MLLT10: variants seen among roughly 807,000 people sequenced by gnomAD.
MLLT10 encodes the protein protein AF-10.
A neutral mutation model predicts 129.1 loss-of-function variants in MLLT10; 30 were observed. The observed-to-expected ratio is 0.23, with a 90% CI of 0.17 to 0.32. MLLT10 has a LOEUF of 0.32. Among genes scored for constraint, MLLT10 ranks in the 10% least tolerant of loss-of-function variants. MLLT10 has a pLI of 1.00. For missense variants in MLLT10, 1,119 were observed against 1,268.3 expected, an observed-to-expected ratio of 0.88 and a Z score of 1.79; for synonymous variants, 490 against 446.4, an observed-to-expected ratio of 1.10 and a Z score of -1.23.
At chr10:21,543,554 C>T (rs2035574749) in intron 3 of MLLT10, among the ~76,000 whole-genome samples, 2 of 152,162 alleles carry the variant, frequency 1.3e-5, no homozygotes, top group African/African-American at 4.8e-5. Flanking sequence ...TCTTGGCTCA[C>T]TGCAACCTCC....
chr10:21,573,580 G>A (rs1589018838), intron 3 of MLLT10, among the ~76,000 whole-genome samples: 1 of 151,634 alleles, frequency 6.6e-6, no homozygotes, highest in African/African-American at 2.4e-5. Context: ...GCCATTTGGT[G>A]TCATGGTGTA....
intron 9 of MLLT10, among the ~76,000 whole-genome samples, chr10:21,663,894 C>A (rs1014375908): frequency 6.6e-6 from 1 of 152,122 alleles, no homozygotes; most frequent in Non-Finnish European, 1.5e-5. Context: ...CCTCTCAATT[C>A]ACTGATATAA....
At chr10:21,571,458 C>T (rs769782585) in intron 3 of MLLT10, among the ~76,000 whole-genome samples, 8 of 152,228 alleles carry the variant, frequency 5.3e-5, no homozygotes, top group Non-Finnish European at 1.2e-4. Flanking sequence ...CCCTGTTCCA[C>T]GACCTGGAAA....
intron 21 of MLLT10, among the ~76,000 whole-genome samples, chr10:21,739,622 A>T (rs1042741144): frequency 6.6e-6 from 1 of 152,206 alleles, no homozygotes; most frequent in African/African-American, 2.4e-5. Flanking sequence ...TGCATGGAGT[A>T]TATGCTTGCT....
intron 9 of MLLT10, chr10:21,669,143 C>A: frequency 8.5e-7 from 1 of 1,172,758 alleles, no homozygotes. Context: ...AACGTTTGTT[C>A]TTGTTTGTGG....
intron 9 of MLLT10, among the ~76,000 whole-genome samples, chr10:21,666,144 GTTATA>G (rs1468425485): frequency 4.0e-5 from 6 of 151,780 alleles, no homozygotes; most frequent in South Asian, 2.1e-4. Flanking sequence ...ATAATTTTTT[GTTATA>G]TTGTATTGTT....
chr10:21,614,407 C>T (rs1159646996), intron 6 of MLLT10, among the ~76,000 whole-genome samples: 1 of 152,118 alleles, frequency 6.6e-6, no homozygotes, highest in African/African-American at 2.4e-5. Flanking sequence ...ATGTAATCTG[C>T]ATCCATGGGC....
intron 4 of MLLT10, among the ~76,000 whole-genome samples, chr10:21,593,323 T>C (rs1200710296): frequency 6.6e-6 from 1 of 152,070 alleles, no homozygotes; most frequent in Non-Finnish European, 1.5e-5. Context: ...GAACTCCTGA[T>C]CTCAAGTGAT....
At chr10:21,689,565 G>GTGTATATA (rs1254669195) in intron 13 of MLLT10, among the ~76,000 whole-genome samples, 1 of 113,470 alleles carries the variant, frequency 8.8e-6, no homozygotes, top group South Asian at 2.8e-4. Context: ...ATATATATAT[G>GTGTATATA]TATATATATA....
chr10:21,589,314 C>G (rs1372041502), intron 4 of MLLT10, among the ~76,000 whole-genome samples: 1 of 148,036 alleles, frequency 6.8e-6, no homozygotes, highest in East Asian at 2.0e-4. Flanking sequence ...AAGGCCTTCA[C>G]TATTCCAAAG....
At chr10:21,626,333 G>A in intron 8 of MLLT10, 2 of 844,112 alleles carry the variant, frequency 2.4e-6, no homozygotes, top group Non-Finnish European at 1.9e-6. Context: ...ACCAGTGCAA[G>A]GCATTTTGAA....
Position 21,601,485 on chromosome 10 carries a change from C to A in MLLT10, c.405+6045C>A, listed in dbSNP as rs184694970. On this transcript the variant is annotated intron_variant, in intron 5 of 22. Transcript: ENST00000307729. Reference sequence around the variant, plus strand: ...TGTTCATGAGATTAAAATCTGTAATCTCACTCACCAACATTGCCTATCTCA... The same window carrying A: ...TGTTCATGAGATTAAAATCTGTAATATCACTCACCAACATTGCCTATCTCA... Among the ~76,000 whole-genome samples the A allele has an allele frequency of 1.4e-3, 211 of 152,316 alleles. 1 individual carries two copies. Among genetic ancestry groups the A allele is most frequent in the African/African-American group, 4.7e-3 (197 of 41,568 alleles).
At position 21,538,120 on chromosome 10, in the gene MLLT10, T is replaced by C. The variant is rs7085995; in HGVS notation, c.161-713T>C. On this transcript the variant is annotated intron_variant, in intron 2 of 22. Coordinates refer to ENST00000307729, the MANE Select transcript of MLLT10 (RefSeq NM_001195626.3). ...GGCTCAAGTCAGCCTCCTGAGTAGC[T>C]GGGACTGTAGGCACATGCCACCGTG... is the stretch of plus-strand genomic sequence containing the variant. Among the ~76,000 whole-genome samples, 363 of 151,746 alleles carry C rather than the reference T, an allele frequency of 2.4e-3. 1 individual carries two copies. The highest frequency in any genetic ancestry group is 8.3e-3 in the African/African-American group (343 of 41,362).
chr10:21,569,638 C>G (rs2039985446), intron 3 of MLLT10, among the ~76,000 whole-genome samples: 1 of 152,044 alleles, frequency 6.6e-6, no homozygotes, highest in African/African-American at 2.4e-5. Context: ...CGAGGCTGGA[C>G]TCGAATTCCT....
intron 8 of MLLT10, among the ~76,000 whole-genome samples, chr10:21,619,511 A>G (rs1734636840): frequency 6.6e-6 from 1 of 152,220 alleles, no homozygotes; most frequent in South Asian, 2.1e-4. Context: ...CTGGGAATGA[A>G]TGAAATTTTG....
chr10:21,735,632 G>A (rs890623832), intron 21 of MLLT10, among the ~76,000 whole-genome samples: 9 of 152,190 alleles, frequency 5.9e-5, no homozygotes, highest in African/African-American at 1.9e-4. Context: ...GGATGGCCCC[G>A]CCTCTGCAAG....
rs1456714552 is a variant in MLLT10 at position 21,727,698 on chromosome 10, A to T, written c.1991-158A>T. ...ACGCCTTACATGCCACAGTTCAGCA[A>T]TTCTGAACTAGCAACATGCTAGATC... On this transcript the variant is annotated intron_variant, in intron 15 of 22. Transcript: ENST00000307729. Among the ~76,000 whole-genome samples the T allele has an allele frequency of 3.3e-5, 5 of 152,326 alleles. No homozygotes were observed. In the South Asian group the frequency reaches 8.3e-4, roughly 25 times the overall value.
At position 21,742,338 on chromosome 10, in the gene MLLT10, A is replaced by C; in HGVS notation, c.*355A>C. The C allele has an allele frequency of 3.9e-6, 1 of 253,602 alleles. No homozygotes were observed. The highest frequency in any genetic ancestry group is 7.6e-6 in the Non-Finnish European group (1 of 132,448). The allele number at this position is 253,602 out of a possible 1,614,324, so 15.7% of individuals were successfully genotyped here. A position where few individuals can be genotyped will look rare whatever the true frequency, so the allele number is the denominator to read the frequency against. Reference sequence around the variant, plus strand: ...TTTATAAATTGGAGATGCAAATAGCAAAACTAAATACTTGCTCCATTTACA... The same window carrying C: ...TTTATAAATTGGAGATGCAAATAGCCAAACTAAATACTTGCTCCATTTACA... On this transcript the variant is annotated 3_prime_UTR_variant, in exon 23 of 23. Transcript: ENST00000307729.
intron 21 of MLLT10, 27 bp from the exon 22 acceptor site, chr10:21,740,003 T>C (rs562307898): frequency 1.3e-6 from 2 of 1,555,568 alleles, no homozygotes; most frequent in Non-Finnish European, 1.7e-6. Flanking sequence ...TGGGAACTCA[T>C]TTTCTCTCAC....
Sources: gnomAD v4.1 joint callset for allele counts (sites outside exome capture counted in the v4.1 genomes callset) on GRCh38, gnomAD v4.1.1 for gene constraint, MANE v1.5 for transcripts, NCBI Gene and HGNC (gene_info 2026-07-23, HGNC 2026-07-21) for gene names.